The following KCNB2 variants were observed in gnomAD, a reference collection of about 807,000 sequenced individuals.
KCNB2 encodes delayed rectifier potassium channel protein.
KCNB2 carries 15 observed loss-of-function variants against 61.5 expected under a neutral mutation model. That is an observed-to-expected ratio of 0.24 (90% confidence interval 0.16 to 0.38). The LOEUF is 0.38. KCNB2 is among the 10% of genes least tolerant of loss of function. KCNB2 has a pLI of 1.00. For missense variants in KCNB2, 828 were observed against 1,125.2 expected (o/e 0.74, Z 3.78); for synonymous variants, 457 against 446.0 (o/e 1.02, Z -0.31).
chr8:72,729,530 C>A (rs1807706322), intron 2 of KCNB2, among the ~76,000 whole-genome samples: 1 of 152,140 alleles, frequency 6.6e-6, no homozygotes, highest in South Asian at 2.1e-4. Context: ...TTGAGGAAGA[C>A]AAATCCATTT....
intron 2 of KCNB2, among the ~76,000 whole-genome samples, chr8:72,685,631 A>G (rs1349425597): frequency 6.6e-6 from 1 of 152,072 alleles, no homozygotes; most frequent in Non-Finnish European, 1.5e-5. Flanking sequence ...TGAAGCTAAG[A>G]CCTGAAGATG....
At chr8:72,593,297 G>T (rs1014960247) in intron 2 of KCNB2, among the ~76,000 whole-genome samples, 3 of 152,266 alleles carry the variant, frequency 2.0e-5, no homozygotes, top group South Asian at 2.1e-4. Flanking sequence ...CTTATTCAAA[G>T]ACTTTTATTA....
chr8:72,932,904 C>T (rs758941531), intron 2 of KCNB2, among the ~76,000 whole-genome samples: 3 of 152,130 alleles, frequency 2.0e-5, no homozygotes, highest in Non-Finnish European at 4.4e-5. Context: ...CACACATCAC[C>T]TTGGTATTTA....
chr8:72,928,013 A>C (rs1340409262), intron 2 of KCNB2, among the ~76,000 whole-genome samples: 1 of 152,136 alleles, frequency 6.6e-6, no homozygotes, highest in Non-Finnish European at 1.5e-5. Flanking sequence ...CATTTTTCCA[A>C]CAGGAAAAAG....
chr8:72,898,593 A>C (rs1806030820), intron 2 of KCNB2, among the ~76,000 whole-genome samples: 2 of 152,278 alleles, frequency 1.3e-5, no homozygotes, highest in South Asian at 4.1e-4. Context: ...ACCAAGCCAG[A>C]AGTTTCCCTT....
At chr8:72,548,982 T>C (rs923061963) in intron 1 of KCNB2, among the ~76,000 whole-genome samples, 1 of 152,216 alleles carries the variant, frequency 6.6e-6, no homozygotes, top group Non-Finnish European at 1.5e-5. Flanking sequence ...ACTCAAAGCC[T>C]TTTTCATTGT....
In KCNB2 at chr8:72,537,736, C is replaced by G. The variant is rs976645345; in HGVS notation, c.-243C>G. 1 of 152,420 alleles carries G rather than the reference C, an allele frequency of 6.6e-6. No individual in the cohort carries two copies. Among genetic ancestry groups the G allele is most frequent in the Non-Finnish European group, 1.5e-5 (1 of 68,366 alleles). The allele number at this position is 152,420 out of a possible 1,614,324, so 9.4% of individuals were successfully genotyped here. ...TCCAGCCAGCCGGGGAGACCCTCCT[C>G]TCTGTGGAGGGGAGGGGGATTTCCA... On this transcript the variant is annotated 5_prime_UTR_variant, in exon 1 of 3. Coordinates refer to ENST00000523207, the MANE Select transcript of KCNB2 (RefSeq NM_004770.3).
At chr8:72,788,881 C>G (rs919299983) in intron 2 of KCNB2, among the ~76,000 whole-genome samples, 22 of 152,210 alleles carry the variant, frequency 1.4e-4, no homozygotes, top group African/African-American at 5.3e-4. Flanking sequence ...AATAACTAGT[C>G]TGAAATTTCT....
At chr8:72,849,448 T>G (rs1439827210) in intron 2 of KCNB2, among the ~76,000 whole-genome samples, 2 of 152,186 alleles carry the variant, frequency 1.3e-5, no homozygotes, top group African/African-American at 4.8e-5. Context: ...CTAGCAGTTT[T>G]CATCTTCTCT....
intron 2 of KCNB2, among the ~76,000 whole-genome samples, chr8:72,708,344 G>A (rs1346351593): frequency 6.6e-6 from 1 of 152,200 alleles, no homozygotes; most frequent in Non-Finnish European, 1.5e-5. Flanking sequence ...TATTTCAACA[G>A]TGCAATTGTT....
intron 2 of KCNB2, among the ~76,000 whole-genome samples, chr8:72,823,643 C>T (rs946596565): frequency 6.6e-5 from 10 of 152,164 alleles, no homozygotes; most frequent in Non-Finnish European, 1.2e-4. Flanking sequence ...CTACCCATAA[C>T]AATAATTATA....
At chr8:72,793,143 G>A (rs1253799712) in intron 2 of KCNB2, among the ~76,000 whole-genome samples, 1 of 152,164 alleles carries the variant, frequency 6.6e-6, no homozygotes, top group Admixed American at 6.5e-5. Context: ...CCACATTTAT[G>A]TGTTCATTCA....
chr8:72,816,988 G>T (rs756657605), intron 2 of KCNB2, among the ~76,000 whole-genome samples: 1 of 152,140 alleles, frequency 6.6e-6, no homozygotes, highest in Non-Finnish European at 1.5e-5. Context: ...GCAATGAAAA[G>T]ATCATTGAAT....
chr8:72,857,317 T>C lies in KCNB2; in HGVS notation c.580-78618T>C, dbSNP rs190706995. Among the ~76,000 whole-genome samples, 26 of 152,096 alleles carry C rather than the reference T, an allele frequency of 1.7e-4. No homozygotes were observed. In the East Asian group the frequency reaches 4.6e-3, roughly 27 times the overall value. Reference sequence around the variant, plus strand: ...TGAAGGGGAAGCAAGAGTTGACTAGTTGAATGGAAAGGGGCAGAGCATTCC... The same window carrying C: ...TGAAGGGGAAGCAAGAGTTGACTAGCTGAATGGAAAGGGGCAGAGCATTCC... On this transcript the variant is annotated intron_variant, in intron 2 of 2. Transcript: ENST00000523207.
intron 2 of KCNB2, among the ~76,000 whole-genome samples, chr8:72,729,814 C>T (rs1374332208): frequency 1.3e-5 from 2 of 151,562 alleles, no homozygotes; most frequent in Non-Finnish European, 2.9e-5. Flanking sequence ...ACCCGGGAGG[C>T]GGGGCTTGCG....
chr8:72,935,163 A>G (rs1806873571), intron 2 of KCNB2, among the ~76,000 whole-genome samples: 1 of 152,150 alleles, frequency 6.6e-6, no homozygotes, highest in Non-Finnish European at 1.5e-5. Context: ...GCCTGACTCT[A>G]AAACCCAGTC....
At chr8:72,685,302 T>C (rs1037384988) in intron 2 of KCNB2, among the ~76,000 whole-genome samples, 1 of 152,182 alleles carries the variant, frequency 6.6e-6, no homozygotes, top group African/African-American at 2.4e-5. Context: ...CAGGGTTTTT[T>C]TTCTTCCAGT....
intron 2 of KCNB2, among the ~76,000 whole-genome samples, chr8:72,575,877 T>C (rs1383185206): frequency 6.6e-6 from 1 of 152,226 alleles, no homozygotes; most frequent in Non-Finnish European, 1.5e-5. Context: ...ATAATTTTTT[T>C]AAAGAGTTTG....
At chr8:72,772,879 A>G (rs143467177) in intron 2 of KCNB2, among the ~76,000 whole-genome samples, 5 of 152,322 alleles carry the variant, frequency 3.3e-5, no homozygotes, top group East Asian at 1.9e-4. Context: ...TGGCTCTGCA[A>G]TACTGGTTTC....
Sources: gnomAD v4.1 joint callset for allele counts (sites outside exome capture counted in the v4.1 genomes callset) on GRCh38, gnomAD v4.1.1 for gene constraint, MANE v1.5 for transcripts, NCBI Gene and HGNC (gene_info 2026-07-23, HGNC 2026-07-21) for gene names.